Variants in SLC11A2 observed in about 807,000 individuals in gnomAD.
The protein encoded by SLC11A2 is solute carrier family 11 member 2, also known as natural resistance-associated macrophage protein 2.
Under a neutral mutation model 68.0 loss-of-function variants are expected in SLC11A2, and 38 were observed. That is an observed-to-expected ratio of 0.56 (90% CI 0.43 to 0.73). The LOEUF (loss-of-function observed/expected upper bound fraction) is 0.73. Ranked by LOEUF, SLC11A2 falls within the 30% of genes least tolerant of loss-of-function variation. SLC11A2 has a pLI of 0.00. For synonymous variants in SLC11A2, 242 were observed against 250.6 expected, an observed-to-expected ratio of 0.97 and a Z score of 0.32; for missense variants, 517 against 690.5, an observed-to-expected ratio of 0.75 and a Z score of 2.82.
At chr12:51,018,088 C>A (rs942498144) in intron 1 of SLC11A2, among the ~76,000 whole-genome samples, 1 of 152,146 alleles carries the variant, frequency 6.6e-6, no homozygotes, top group African/African-American at 2.4e-5. Flanking sequence ...TTGGATAGCC[C>A]AAACCTGTTT....
At position 50,992,170 on chromosome 12, in the gene SLC11A2, T is replaced by C. The variant is rs746836425; in HGVS notation, c.1347+20A>G. 3 of 1,613,324 alleles carry C rather than the reference T, an allele frequency of 1.9e-6. No individual in the cohort carries two copies. Among genetic ancestry groups the C allele is most frequent in the South Asian group, 2.2e-5 (2 of 91,024 alleles). ...TGCTACCTGAATAACTAGGATGTGT[T>C]TCCTCAGCTTCCTCCTCACCTGTAA... On this transcript the variant is annotated intron_variant, in intron 13 of 15. Coordinates refer to ENST00000262052, the MANE Select transcript of SLC11A2 (RefSeq NM_000617.3).
downstream of SLC11A2, among the ~76,000 whole-genome samples, chr12:50,983,559 C>T (rs1033589205): frequency 6.6e-6 from 1 of 152,054 alleles, no homozygotes; most frequent in Non-Finnish European, 1.5e-5. Context: ...CAAGTACAGC[C>T]AGGCACAGTG....
At chr12:50,991,451 A>G (rs1941140350) in intron 14 of SLC11A2, 148 bp downstream of exon 14, 3 of 695,982 alleles carry the variant, frequency 4.3e-6, no homozygotes, top group Admixed American at 4.4e-5. Flanking sequence ...CACAGTTTCC[A>G]TTCTCTAAGC....
At chr12:50,957,401 G>A in the SLC11A2 span, among the ~76,000 whole-genome samples, 13 of 151,368 alleles carry the variant, frequency 8.6e-5, no homozygotes, top group African/African-American at 3.2e-4. Flanking sequence ...GTTTTACCAT[G>A]TTGACCAGGC....
intron 5 of SLC11A2, among the ~76,000 whole-genome samples, chr12:51,004,200 C>T (rs1374059070): frequency 2.0e-5 from 3 of 151,996 alleles, no homozygotes; most frequent in Non-Finnish European, 4.4e-5. Flanking sequence ...AGAGACAAAA[C>T]TAAGTTAAAA....
chr12:50,977,519 G>A (rs991159990), downstream of SLC11A2, among the ~76,000 whole-genome samples: 10 of 152,206 alleles, frequency 6.6e-5, no homozygotes, highest in African/African-American at 2.2e-4. Flanking sequence ...AGACTTAAAC[G>A]TTAGACCTAA....
At chr12:51,020,415 A>G (rs1943961183) in intron 1 of SLC11A2, among the ~76,000 whole-genome samples, 1 of 152,214 alleles carries the variant, frequency 6.6e-6, no homozygotes, top group Admixed American at 6.5e-5. Flanking sequence ...TGTGTACTTC[A>G]TGGTAAACAG....
At chr12:50,962,775 A>T in the SLC11A2 span, among the ~76,000 whole-genome samples, 3 of 152,178 alleles carry the variant, frequency 2.0e-5, no homozygotes, top group Non-Finnish European at 4.4e-5. Context: ...GGGAGGCCAG[A>T]GGAGGCTTCT....
chr12:50,992,744 AAAG>A (rs869230009), intron 12 of SLC11A2, 63 bp downstream of exon 12: 45,367 of 974,380 alleles, frequency 0.047, 9,780 homozygotes, highest in Admixed American at 0.076. Flanking sequence ...AAAAAAAAAA[AAAG>A]AAGAAGAAGA....
At chr12:50,971,099 C>T in the SLC11A2 span, among the ~76,000 whole-genome samples, 12 of 152,200 alleles carry the variant, frequency 7.9e-5, no homozygotes, top group Middle Eastern at 3.4e-3. Flanking sequence ...AGGCTGGTCT[C>T]GAACTCCTGA....
chr12:51,007,887 T>C (rs1318718031), intron 3 of SLC11A2, among the ~76,000 whole-genome samples: 1 of 150,892 alleles, frequency 6.6e-6, no homozygotes, highest in Non-Finnish European at 1.5e-5. Context: ...GTGATCCTCC[T>C]GCCTTAGCCT....
intron 11 of SLC11A2, among the ~76,000 whole-genome samples, chr12:50,994,257 G>T (rs143582379): frequency 3.3e-5 from 5 of 151,822 alleles, no homozygotes; most frequent in Admixed American, 2.6e-4. Context: ...ATGTTGGTCA[G>T]GCTGGTCTTG....
intron 1 of SLC11A2, among the ~76,000 whole-genome samples, chr12:51,011,078 G>A (rs1431462183): frequency 6.6e-6 from 1 of 151,902 alleles, no homozygotes; most frequent in African/African-American, 2.4e-5. Context: ...GGCAGGGGGT[G>A]GTGGACAAAT....
In SLC11A2 at chr12:50,992,202, T is replaced by G. The variant is rs1362394222; in HGVS notation, c.1335A>C (p.Leu445=). The G allele has an allele frequency of 3.1e-6, 5 of 1,614,024 alleles. No homozygotes were observed. The highest frequency in any genetic ancestry group is 1.7e-4 in the Middle Eastern group (1 of 6,060). The change falls in exon 13 of 16, where the codon CTA becomes CTC. Residue 445 remains leucine (L), a synonymous_variant. Coordinates refer to ENST00000262052, the MANE Select transcript of SLC11A2 (RefSeq NM_000617.3). ...LTGMNDFLNV[L]QSLQLPFALI... is the part of the protein sequence containing the mutation. Reference sequence around the variant, plus strand: ...GCTTCCTCCTCACCTGTAAGCTCTGTAGAACATTCAGAAAGTCATTCATCC... The same window carrying G: ...GCTTCCTCCTCACCTGTAAGCTCTGGAGAACATTCAGAAAGTCATTCATCC...
intron 1 of SLC11A2, among the ~76,000 whole-genome samples, chr12:51,013,419 T>G (rs1252974435): frequency 6.6e-6 from 1 of 151,516 alleles, no homozygotes; most frequent in East Asian, 1.9e-4. Flanking sequence ...GCCTCCGAAG[T>G]AGCTAGGATT....
chr12:51,017,161 C>T (rs546860280), intron 1 of SLC11A2, among the ~76,000 whole-genome samples: 2 of 151,128 alleles, frequency 1.3e-5, no homozygotes, highest in South Asian at 4.2e-4. Context: ...GCAAAAAGTA[C>T]TCATCAAGGA....
Position 50,986,036 on chromosome 12 carries a change from C to T in SLC11A2, c.*2289G>A, listed in dbSNP as rs867212578. ...TTTAATTAGAAACCAAGTTTACATA[C>T]GGTTAAATGGTTACTAAAAGCTCAG... On this transcript the variant is annotated 3_prime_UTR_variant, in exon 16 of 16. Coordinates refer to ENST00000262052, the MANE Select transcript of SLC11A2 (RefSeq NM_000617.3). 61 of 1,179,658 alleles carry T rather than the reference C, an allele frequency of 5.2e-5. 1 individual carries two copies. Among genetic ancestry groups the T allele is most frequent in the East Asian group, 1.9e-4 (3 of 15,802 alleles). The allele number at this position is 1,179,658 out of a possible 1,614,324, so 73.1% of individuals were successfully genotyped here.
chr12:50,993,910 T>G (rs1395661750), intron 11 of SLC11A2, among the ~76,000 whole-genome samples: 1 of 138,608 alleles, frequency 7.2e-6, no homozygotes, highest in Non-Finnish European at 1.5e-5. Context: ...GAAAATCACT[T>G]GGACCAGGTA....
intron 1 of SLC11A2, among the ~76,000 whole-genome samples, chr12:51,023,361 C>T (rs1052834835): frequency 1.3e-5 from 2 of 152,160 alleles, no homozygotes; most frequent in African/African-American, 2.4e-5. Context: ...GTGGGAGGAT[C>T]GCTTAAGCCT....
Sources: allele counts gnomAD v4.1 joint callset (sites outside exome capture counted in the v4.1 genomes callset), GRCh38; gene constraint gnomAD v4.1.1; transcripts MANE v1.5; gene names NCBI Gene and HGNC (gene_info 2026-07-23, HGNC 2026-07-21).